NIFK: variants seen among roughly 807,000 people sequenced by gnomAD.
NIFK encodes nucleolar protein interacting with the FHA domain of MKI67.
NIFK carries 16 observed loss-of-function variants against 31.7 expected under a neutral mutation model. The observed-to-expected ratio is 0.50, with a 90% CI of 0.34 to 0.77. NIFK has a LOEUF of 0.77. NIFK is among the 30% of genes least tolerant of loss of function. The pLI, the probability that NIFK is intolerant of heterozygous loss-of-function variation, is 0.01. For synonymous variants in NIFK, 126 were observed against 123.0 expected (o/e 1.02, Z -0.16); for missense variants, 341 against 350.4 (o/e 0.97, Z 0.21).
rs752235947 is a variant in NIFK at position 121,736,701 on chromosome 2, G to A, written c.105+45C>T. ...GCAACCCCAGATACCCTCTAGACCC[G>A]GTCCATCGCCCCCGCTCGCAGCCTG... On this transcript the variant is annotated intron_variant, in intron 1 of 6. Coordinates refer to ENST00000285814, the MANE Select transcript of NIFK (RefSeq NM_032390.5). The A allele has an allele frequency of 7.8e-5, 120 of 1,528,704 alleles. 1 individual carries two copies. In the South Asian group the frequency reaches 7.9e-4, roughly 10 times the overall value. The allele number at this position is 1,528,704 out of a possible 1,614,324, so 94.7% of individuals were successfully genotyped here.
In NIFK at chr2:121,727,835, T is replaced by C. The variant is rs1314937798; in HGVS notation, c.771A>G (p.Lys257=). The part of the protein sequence containing the change: ...SQVAELNDDD[K]DDEIVFKQPI... ...GCTGTTTGAAAACTATTTCATCATC[T>C]TTATCATCATCATTCAGTTCAGCCA... is the stretch of plus-strand genomic sequence containing the variant. The change falls in exon 7 of 7, where the codon AAA becomes AAG. Residue 257 remains lysine, a synonymous_variant. Transcript: ENST00000285814. 2 of 1,613,024 alleles carry C rather than the reference T, an allele frequency of 1.2e-6. No individual in the cohort carries two copies. Among genetic ancestry groups the C allele is most frequent in the East Asian group, 4.5e-5 (2 of 44,844 alleles).
chr2:121,736,261 T>C (rs977269999), intron 1 of NIFK, among the ~76,000 whole-genome samples: 1 of 152,200 alleles, frequency 6.6e-6, no homozygotes, highest in Admixed American at 6.5e-5. Context: ...TCAGGGGCCC[T>C]AGTCAGCAAG....
chr2:121,733,604 G>A lies in NIFK; in HGVS notation c.244-1400C>T, dbSNP rs190550716. Among the ~76,000 whole-genome samples the A allele has an allele frequency of 7.9e-4, 120 of 151,822 alleles. 1 individual carries two copies. Among genetic ancestry groups the A allele is most frequent in the Admixed American group, 3.0e-3 (46 of 15,248 alleles). On this transcript the variant is annotated intron_variant, in intron 2 of 6. Transcript: ENST00000285814. ...TGGGGCAGGAGAATCACTTGAATCC[G>A]GGAGGCGGACATCGCAGTCAGCTGA...
intron 4 of NIFK, 140 bp downstream of exon 4, chr2:121,730,753 G>A (rs1274645581): frequency 1.1e-5 from 7 of 647,292 alleles, no homozygotes; most frequent in Middle Eastern, 2.9e-4. Context: ...CTAGAGGCAG[G>A]AGAATTGCTT....
chr2:121,731,993 T>C, intron 3 of NIFK, 103 bp downstream of exon 3: 1 of 698,702 alleles, frequency 1.4e-6, no homozygotes, highest in Admixed American at 2.2e-5. Flanking sequence ...ATCCCAGAGA[T>C]GAAGTGGCAT....
rs1468347515 is a variant in NIFK, at chr2:121,728,486, T to C, written c.615A>G (p.Thr205=). ...ATAAAAAAAATTTTACCTGGCCTTTTGTAGACGTCTGACGATTAGTTTTTG... is the reference window on the plus strand; with the variant it reads ...ATAAAAAAAATTTTACCTGGCCTTTCGTAGACGTCTGACGATTAGTTTTTG... ...SISKTNRQTS[T]KGQVLRKKKK... Residue 205 remains threonine (T), a synonymous_variant, in exon 5 of 7, where the codon ACA becomes ACG. Coordinates refer to ENST00000285814, the MANE Select transcript of NIFK (RefSeq NM_032390.5). The C allele has an allele frequency of 1.1e-5, 17 of 1,585,968 alleles. No homozygotes were observed. Among genetic ancestry groups the C allele is most frequent in the Non-Finnish European group, 1.5e-5 (17 of 1,169,254 alleles).
rs1371053845 is a variant in NIFK, at chr2:121,736,846, G to T, written c.5C>A (p.Ala2Glu). 6.2e-7 allele frequency: 1 copy of T among 1,613,816 alleles called. No homozygotes were observed. Among genetic ancestry groups the T allele is most frequent in the African/African-American group, 1.3e-5 (1 of 75,058 alleles). Residue 2 changes from alanine to glutamate, a missense_variant, in exon 1 of 7, where the codon GCG (alanine) becomes GAG (glutamate). By Grantham distance (107) the Ala-to-Glu change is moderately radical. Transcript: ENST00000285814. M[A>E]TFSGPAGPIL... is the part of the protein sequence containing the mutation. ...TGGCCCAGCCGGGCCAGAAAAAGTC[G>T]CCATGCCAAAAGCCGCCGACGCTAA...
chr2:121,731,275 C>A, intron 3 of NIFK, 171 bp from the exon 4 acceptor site: 2 of 562,128 alleles, frequency 3.6e-6, no homozygotes, highest in Admixed American at 3.3e-5. Flanking sequence ...ACCTGGGCAG[C>A]CTTGTCAGCT....
chr2:121,727,164 T>C lies in NIFK; in HGVS notation c.*560A>G, dbSNP rs2074497027. 1 of 246,712 alleles carries C rather than the reference T, an allele frequency of 4.1e-6. No individual in the cohort carries two copies. Among genetic ancestry groups the C allele is most frequent in the African/African-American group, 2.3e-5 (1 of 44,098 alleles). The allele number at this position is 246,712 out of a possible 1,614,324, so 15.3% of individuals were successfully genotyped here. A position where few individuals can be genotyped will look rare whatever the true frequency, so the allele number is the denominator to read the frequency against. On this transcript the variant is annotated 3_prime_UTR_variant, in exon 7 of 7. Transcript: ENST00000285814. ...TCATGCTAGCACAACCAAAACTAAT[T>C]TAACATTATTGGTAAAAATGAGTCA...
At chr2:121,733,818 G>A (rs2074560790) in intron 2 of NIFK, among the ~76,000 whole-genome samples, 1 of 152,134 alleles carries the variant, frequency 6.6e-6, no homozygotes, top group Admixed American at 6.5e-5. Context: ...ATGTATGTGT[G>A]CTGGTTTGTG....
At chr2:121,735,853 T>A (rs1010676199) in intron 1 of NIFK, 103 bp from the exon 2 acceptor site, 4 of 903,062 alleles carry the variant, frequency 4.4e-6, no homozygotes, top group South Asian at 3.4e-5. Flanking sequence ...CATTTCCACT[T>A]ACCACAGTAG....
At chr2:121,729,534 A>G (rs2074521398) in intron 4 of NIFK, among the ~76,000 whole-genome samples, 1 of 152,188 alleles carries the variant, frequency 6.6e-6, no homozygotes, top group Admixed American at 6.5e-5. Context: ...TAAACCAAAG[A>G]CTTAATTCTG....
At chr2:121,730,870 A>C (rs201283953) in intron 4 of NIFK, 23 bp downstream of exon 4, 3 of 1,569,594 alleles carry the variant, frequency 1.9e-6, no homozygotes. Context: ...ACAAACCACA[A>C]AAAAGATTTC....
intron 4 of NIFK, among the ~76,000 whole-genome samples, chr2:121,729,404 AC>A: frequency 6.6e-6 from 1 of 151,428 alleles, no homozygotes; most frequent in Non-Finnish European, 1.5e-5. Context: ...TGAGACCTTT[AC>A]CTATACTAGC....
intron 2 of NIFK, among the ~76,000 whole-genome samples, chr2:121,734,584 A>G (rs2074566309): frequency 6.6e-6 from 1 of 152,132 alleles, no homozygotes; most frequent in Admixed American, 6.5e-5. Flanking sequence ...CAAGGTCAGG[A>G]GTTCGAGACC....
intron 6 of NIFK, 142 bp from the exon 7 acceptor site, chr2:121,728,054 A>C: frequency 2.5e-6 from 2 of 792,370 alleles, no homozygotes; most frequent in Non-Finnish European, 3.9e-6. Flanking sequence ...ATACTATTGC[A>C]AAGAATAAAG....
chr2:121,735,741 G>GT lies in NIFK; in HGVS notation c.114dup (p.Gln39ThrfsTer16). The stretch of plus-strand genomic sequence containing the variant: ...ACTACTCCAGGAGTAAGTTGTTCTT[G>GT]TTTTTTTCGCTAAAGACGTAAAGAC... On this transcript the variant is annotated frameshift_variant, in exon 2 of 7. Transcript: ENST00000285814. LOFTEE classifies it high-confidence loss of function. The GT allele has an allele frequency of 6.2e-7, 1 of 1,611,858 alleles. No homozygotes were observed. Among genetic ancestry groups the GT allele is most frequent in the Non-Finnish European group, 8.5e-7 (1 of 1,179,414 alleles).
chr2:121,731,155 A>G (rs1210749435), intron 3 of NIFK, 51 bp from the exon 4 acceptor site: 5 of 1,048,754 alleles, frequency 4.8e-6, no homozygotes, highest in Non-Finnish European at 7.1e-6. Context: ...TAACTTTAGA[A>G]TCTCCGCAGT....
At position 121,727,262 on chromosome 2, in the gene NIFK, C is replaced by T. The variant is rs1341027266; in HGVS notation, c.*462G>A. On this transcript the variant is annotated 3_prime_UTR_variant, in exon 7 of 7. Coordinates refer to ENST00000285814, the MANE Select transcript of NIFK (RefSeq NM_032390.5). ...AAACTGGAACTGCCTTCTCACTCTACATATAATTAAACTTCCAGCTTCAAC... is the reference window on the plus strand; with the variant it reads ...AAACTGGAACTGCCTTCTCACTCTATATATAATTAAACTTCCAGCTTCAAC... The T allele has an allele frequency of 2.7e-6, 1 of 364,564 alleles. No homozygotes were observed. Among genetic ancestry groups the T allele is most frequent in the African/African-American group, 2.1e-5 (1 of 46,814 alleles). The allele number at this position is 364,564 out of a possible 1,614,324, so 22.6% of individuals were successfully genotyped here.
Sources: allele counts gnomAD v4.1 joint callset (sites outside exome capture counted in the v4.1 genomes callset), GRCh38; gene constraint gnomAD v4.1.1; transcripts MANE v1.5; gene names NCBI Gene and HGNC (gene_info 2026-07-23, HGNC 2026-07-21).